The following CACNA1B variants were observed in gnomAD, a reference collection of about 807,000 sequenced individuals.
The protein encoded by CACNA1B is voltage-dependent N-type calcium channel subunit alpha-1B.
Under a neutral mutation model 247.2 loss-of-function variants are expected in CACNA1B, and 70 were observed. That is an observed-to-expected ratio of 0.28 (90% CI 0.23 to 0.35). The LOEUF is 0.35. Ranked by LOEUF, CACNA1B falls within the 10% of genes least tolerant of loss-of-function variation. The pLI is 1.00. For missense variants in CACNA1B, 2,367 were observed against 3,197.4 expected (o/e 0.74, Z 6.26); for synonymous variants, 1,231 against 1,294.4 (o/e 0.95, Z 1.05).
At chr9:138,084,120 G>A (rs1589118794) in intron 36 of CACNA1B, among the ~76,000 whole-genome samples, 2 of 151,102 alleles carry the variant, frequency 1.3e-5, no homozygotes, top group African/African-American at 4.9e-5. Flanking sequence ...GAGCTGCTAG[G>A]GAATGGCTTA....
rs184218674 is a variant in CACNA1B, at chr9:138,003,913, C to T, written c.1975-2854C>T. Among the ~76,000 whole-genome samples the T allele has an allele frequency of 6.7e-4, 102 of 151,958 alleles. No homozygotes were observed. In the East Asian group the frequency reaches 0.014, roughly 21 times the overall value. On this transcript the variant is annotated intron_variant, in intron 15 of 46. Transcript: ENST00000371372. ...CTAGGACTACAGACGTGAGCCACCA[C>T]GCCTGGCCAGTGCTTTTAAGCCCTT...
intron 21 of CACNA1B, among the ~76,000 whole-genome samples, chr9:138,045,306 C>T (rs764975520): frequency 2.6e-5 from 4 of 152,072 alleles, no homozygotes; most frequent in South Asian, 2.1e-4. Context: ...TGGGGGTACT[C>T]GGATTGCAGC....
chr9:138,107,891 A>G (rs1390389697), intron 39 of CACNA1B, among the ~76,000 whole-genome samples: 5 of 152,030 alleles, frequency 3.3e-5, no homozygotes, highest in Admixed American at 3.3e-4. Flanking sequence ...AGGCTGAGGC[A>G]GGAGAATGGC....
chr9:137,878,781 G>A (rs1029490545), intron 1 of CACNA1B, among the ~76,000 whole-genome samples: 1 of 152,162 alleles, frequency 6.6e-6, no homozygotes, highest in Non-Finnish European at 1.5e-5. Context: ...GCGGAGCCGG[G>A]CCGGAGGCGC....
chr9:137,932,087 C>A (rs1957614441), intron 6 of CACNA1B, among the ~76,000 whole-genome samples: 1 of 152,148 alleles, frequency 6.6e-6, no homozygotes, highest in South Asian at 2.1e-4. Flanking sequence ...GATCCAGTCC[C>A]CTTCAATTCT....
chr9:138,096,750 T>C (rs1314628220), intron 37 of CACNA1B, 139 bp downstream of exon 37: 4 of 726,604 alleles, frequency 5.5e-6, no homozygotes, highest in South Asian at 4.4e-5. Flanking sequence ...CTGTCCTGTT[T>C]CGTGTAGAGC....
chr9:138,076,892 T>C (rs1960340407), intron 35 of CACNA1B, among the ~76,000 whole-genome samples: 1 of 152,242 alleles, frequency 6.6e-6, no homozygotes, highest in South Asian at 2.1e-4. Flanking sequence ...TCTTAGACTC[T>C]TGTTTCTTTG....
intron 3 of CACNA1B, among the ~76,000 whole-genome samples, chr9:137,900,623 ATGTGTGTCTCTGTGTC>A (rs1224710077): frequency 9.2e-6 from 1 of 108,536 alleles, no homozygotes; most frequent in East Asian, 2.8e-4. Context: ...GTGTCTGTGT[ATGTGTGTCTCTGTGTC>A]TGTGTGTCTG....
intron 21 of CACNA1B, among the ~76,000 whole-genome samples, chr9:138,045,020 A>T (rs773362462): frequency 9.8e-5 from 15 of 152,330 alleles, no homozygotes; most frequent in Non-Finnish European, 2.1e-4. Context: ...GCATTCTGGG[A>T]GCAGGTGATA....
chr9:138,006,998 A>C lies in CACNA1B; in HGVS notation c.2092+114A>C, dbSNP rs558817584. The C allele has an allele frequency of 2.0e-5, 13 of 651,160 alleles. No homozygotes were observed. In the East Asian group the frequency reaches 3.4e-4, roughly 17 times the overall value. The allele number at this position is 651,160 out of a possible 1,614,324, so 40.3% of individuals were successfully genotyped here. A position where few individuals can be genotyped will look rare whatever the true frequency, so the allele number is the denominator to read the frequency against. ...TAGGGGCCGTGGACGTGAGAGGTGC[A>C]TTCTCAGAGCTGAGTGCAGATGGAG... On this transcript the variant is annotated intron_variant, in intron 16 of 46. Transcript: ENST00000371372.
chr9:137,940,161 G>C (rs189729736), intron 6 of CACNA1B, among the ~76,000 whole-genome samples: 26 of 152,150 alleles, frequency 1.7e-4, no homozygotes, highest in Non-Finnish European at 2.9e-4. Flanking sequence ...AATAAAATTG[G>C]TAGCCCATTA....
At chr9:138,111,938 CT>C (rs11326781) in intron 39 of CACNA1B, among the ~76,000 whole-genome samples, 61,338 of 146,724 alleles carry the variant, frequency 0.42, 15,100 homozygotes, top group Non-Finnish European at 0.54. Flanking sequence ...CTCCGGTACA[CT>C]TTTTTTTTTT....
Position 137,894,224 on chromosome 9 carries a change from G to T in CACNA1B, c.530+11341G>T, listed in dbSNP as rs140056094. 3.2e-4 allele frequency among the ~76,000 whole-genome samples: 48 copies of T among 151,706 alleles called. No individual in the cohort carries two copies. The East Asian group carries it at 7.2e-3, about 23-fold the overall frequency. On this transcript the variant is annotated intron_variant, in intron 3 of 46. Transcript: ENST00000371372. Reference sequence around the variant, plus strand: ...AACTGCCAAACTCTCAGCCAGAGTGGATGTCCCGTTTCACATTTCCAGCAG... The same window carrying T: ...AACTGCCAAACTCTCAGCCAGAGTGTATGTCCCGTTTCACATTTCCAGCAG...
chr9:137,971,150 G>T lies in CACNA1B; in HGVS notation c.1334-233G>T, dbSNP rs914470283. Among the ~76,000 whole-genome samples the T allele has an allele frequency of 1.3e-5, 2 of 152,148 alleles. No homozygotes were observed. Among genetic ancestry groups the T allele is most frequent in the Non-Finnish European group, 2.9e-5 (2 of 68,030 alleles). The stretch of plus-strand genomic sequence containing the variant: ...GCTGGGGACCAGAGAAGTGAGTACA[G>T]ATCATCCACTTCAATCTGGCTCTCA... On this transcript the variant is annotated intron_variant, in intron 10 of 46. Transcript: ENST00000371372. The surrounding 1 kb of genome is among the most constrained non-coding windows in gnomAD (Gnocchi z 4.4).
intron 3 of CACNA1B, chr9:137,892,504 TCTGA>T: frequency 2.6e-6 from 1 of 382,376 alleles, no homozygotes; most frequent in Non-Finnish European, 5.3e-6. Context: ...CCCCCTTTCC[TCTGA>T]CTGTGGGTCC....
intron 20 of CACNA1B, among the ~76,000 whole-genome samples, chr9:138,027,413 T>G (rs916433103): frequency 6.6e-6 from 1 of 152,230 alleles, no homozygotes; most frequent in Non-Finnish European, 1.5e-5. Context: ...CCGAGATATA[T>G]TATCAAAACT....
chr9:137,940,506 C>T (rs148403932), intron 6 of CACNA1B, among the ~76,000 whole-genome samples: 5 of 152,254 alleles, frequency 3.3e-5, no homozygotes, highest in African/African-American at 1.2e-4. Flanking sequence ...AGAATTGGTA[C>T]CAATCCTATC....
rs79399395 is a variant in CACNA1B at position 138,094,630 on chromosome 9, T to C, written c.5095-1854T>C. Among the ~76,000 whole-genome samples the C allele has an allele frequency of 9.3e-3, 1,422 of 152,112 alleles. 27 individuals are homozygous for C. Among genetic ancestry groups the C allele is most frequent in the African/African-American group, 0.033 (1,364 of 41,490 alleles). ...CTTATGAATATTGATCCAAAGATCA[T>C]CAACAAAAATACTAGCAAACTAATT... On this transcript the variant is annotated intron_variant, in intron 36 of 46. Transcript: ENST00000371372.
At chr9:138,086,113 C>T (rs1223200525) in intron 36 of CACNA1B, among the ~76,000 whole-genome samples, 1 of 151,142 alleles carries the variant, frequency 6.6e-6, no homozygotes, top group African/African-American at 2.4e-5. Flanking sequence ...AACAAAATGA[C>T]AGAAGTAAGT....
Sources: allele counts gnomAD v4.1 joint callset (sites outside exome capture counted in the v4.1 genomes callset), GRCh38; gene constraint gnomAD v4.1.1; non-coding constraint Gnocchi (gnomAD v3.1); transcripts MANE v1.5; gene names NCBI Gene and HGNC (gene_info 2026-07-23, HGNC 2026-07-21).